VPS37A: variants seen among roughly 807,000 people sequenced by gnomAD.
VPS37A encodes vacuolar protein sorting-associated protein 37A.
A neutral mutation model predicts 49.8 loss-of-function variants in VPS37A; 30 were observed. That is an observed-to-expected ratio of 0.60 (90% CI 0.45 to 0.82). The LOEUF (loss-of-function observed/expected upper bound fraction) is 0.82. Ranked by LOEUF, VPS37A falls within the 40% of genes least tolerant of loss-of-function variation. The pLI is 0.00. For missense variants in VPS37A, 593 were observed against 464.4 expected, an observed-to-expected ratio of 1.28 and a Z score of -2.55; for synonymous variants, 195 against 160.6, an observed-to-expected ratio of 1.21 and a Z score of -1.62.
chr8:17,325,599 G>A, the VPS37A span, among the ~76,000 whole-genome samples: 28 of 152,250 alleles, frequency 1.8e-4, no homozygotes, highest in African/African-American at 6.7e-4. Context: ...CGGGGCCTGC[G>A]TCCCACATGC....
intron 1 of VPS37A, 134 bp from the exon 2 acceptor site, chr8:17,265,773 A>T: frequency 1.3e-6 from 2 of 1,543,586 alleles, no homozygotes; most frequent in Non-Finnish European, 1.8e-6. Flanking sequence ...CCCTCAAGAT[A>T]CAAGTTATGC....
At chr8:17,323,939 T>C in the VPS37A span, among the ~76,000 whole-genome samples, 2 of 152,220 alleles carry the variant, frequency 1.3e-5, no homozygotes, top group Non-Finnish European at 2.9e-5. Context: ...ATTTTAAAAT[T>C]AATCTTTGAA....
the VPS37A span, among the ~76,000 whole-genome samples, chr8:17,317,421 G>T: frequency 6.6e-6 from 1 of 152,168 alleles, no homozygotes; most frequent in African/African-American, 2.4e-5. Flanking sequence ...GAGGACAGCT[G>T]GGGCAGTAAC....
the VPS37A span, among the ~76,000 whole-genome samples, chr8:17,314,321 T>C: frequency 1.5e-4 from 23 of 152,166 alleles, no homozygotes; most frequent in Admixed American, 1.5e-3. Flanking sequence ...TAAACACACA[T>C]AGGGAAAAGG....
intron 1 of VPS37A, among the ~76,000 whole-genome samples, chr8:17,251,814 C>G (rs1222391432): frequency 2.0e-5 from 3 of 152,178 alleles, no homozygotes; most frequent in South Asian, 2.1e-4. Flanking sequence ...TGCTGCCAGT[C>G]TGCGGATTCC....
Position 17,280,082 on chromosome 8 carries a change from T to C in VPS37A, c.768T>C (p.Phe256=), listed in dbSNP as rs777393398. The part of the protein sequence containing the change: ...NEQEEVLLEQ[F]LTLPQLKQII... ...AAGAGGAGGTATTACTAGAACAGTT[T>C]CTGACTTTGCCTCAACTAAAACAAA... The change falls in exon 7 of 12, where the codon TTT becomes TTC. Residue 256 remains phenylalanine, a synonymous_variant. Transcript: ENST00000324849. 1.2e-6 allele frequency: 2 copies of C among 1,612,744 alleles called. No homozygotes were observed. Among genetic ancestry groups the C allele is most frequent in the Non-Finnish European group, 8.5e-7 (1 of 1,179,310 alleles).
rs1226182025 is a variant in VPS37A, at chr8:17,247,949, TTC to T, written c.125+583_125+584del. ...CTCACAGCGACCAGTGCATGTACAT[TTC>T]TCACTTCTTTCATAGTCTTGTCCCC... is the stretch of plus-strand genomic sequence containing the variant. On this transcript the variant is annotated intron_variant, in intron 1 of 11. Transcript: ENST00000324849. 3 of 590,154 alleles carry T rather than the reference TTC, an allele frequency of 5.1e-6. No homozygotes were observed. In the African/African-American group the frequency reaches 5.6e-5, roughly 11 times the overall value. 36.6% of individuals were successfully genotyped at this position (590,154 alleles called of 1,614,324 possible). A position where few individuals can be genotyped will look rare whatever the true frequency, so the allele number is the denominator to read the frequency against.
the VPS37A span, among the ~76,000 whole-genome samples, chr8:17,328,188 C>T: frequency 6.6e-6 from 1 of 152,014 alleles, no homozygotes; most frequent in African/African-American, 2.4e-5. Context: ...GTCCCTGTTG[C>T]TTCTTTCCTA....
chr8:17,314,767 C>A, the VPS37A span, among the ~76,000 whole-genome samples: 1 of 152,180 alleles, frequency 6.6e-6, no homozygotes, highest in Non-Finnish European at 1.5e-5. Flanking sequence ...TTCCAAATGC[C>A]TGCCCTGAGC....
chr8:17,318,464 G>T, the VPS37A span, among the ~76,000 whole-genome samples: 1 of 152,162 alleles, frequency 6.6e-6, no homozygotes, highest in African/African-American at 2.4e-5. Flanking sequence ...CAGTCATCTG[G>T]AACAGGCTTT....
downstream of VPS37A, among the ~76,000 whole-genome samples, chr8:17,305,323 A>G (rs1768570072): frequency 6.6e-6 from 1 of 152,222 alleles, no homozygotes; most frequent in South Asian, 2.1e-4. Flanking sequence ...TCCACAATTT[A>G]TCTACTTTTA....
chr8:17,333,091 C>T, the VPS37A span, among the ~76,000 whole-genome samples: 1 of 152,160 alleles, frequency 6.6e-6, no homozygotes, highest in Non-Finnish European at 1.5e-5. Context: ...GCAGACACCT[C>T]ACATTTCAAT....
chr8:17,299,603 C>T (rs545801397), downstream of VPS37A: 16 of 459,188 alleles, frequency 3.5e-5, no homozygotes, highest in Middle Eastern at 6.2e-4. Flanking sequence ...AATTGCTCTG[C>T]AGTGAATATA....
chr8:17,263,128 G>C (rs1813116256), intron 1 of VPS37A, among the ~76,000 whole-genome samples: 2 of 151,770 alleles, frequency 1.3e-5, no homozygotes, highest in Non-Finnish European at 2.9e-5. Context: ...AATTGAGTGA[G>C]AAAAGAGTAA....
chr8:17,300,317 G>T, downstream of VPS37A: 1 of 1,317,170 alleles, frequency 7.6e-7, no homozygotes, highest in Non-Finnish European at 1.0e-6. Flanking sequence ...CCTCCCACGT[G>T]GGTATAATGT....
chr8:17,266,004 T>G, intron 2 of VPS37A, 23 bp downstream of exon 2: 1 of 1,587,986 alleles, frequency 6.3e-7, no homozygotes, highest in Non-Finnish European at 8.6e-7. Flanking sequence ...GTATCCTACT[T>G]TTTCATGTAA....
At chr8:17,270,748 G>C (rs139565146) in intron 4 of VPS37A, among the ~76,000 whole-genome samples, 1 of 152,084 alleles carries the variant, frequency 6.6e-6, no homozygotes, top group Admixed American at 6.5e-5. Context: ...CCTCCTAGCC[G>C]TAAGAATTCA....
At position 17,247,230 on chromosome 8, in the gene VPS37A, G is replaced by A; in HGVS notation, c.-15G>A. ...CAGAGCCTTCCAGGGCCTCCGGCCCGTGGACCCGAGGAGGATGAGCTGGCT... is the reference window on the plus strand; with the variant it reads ...CAGAGCCTTCCAGGGCCTCCGGCCCATGGACCCGAGGAGGATGAGCTGGCT... On this transcript the variant is annotated 5_prime_UTR_variant, in exon 1 of 12. In the 5' UTR this introduces an upstream ATG that the reference lacks. Coordinates refer to ENST00000324849, the MANE Select transcript of VPS37A (RefSeq NM_152415.3). The A allele has an allele frequency of 2.6e-6, 4 of 1,565,558 alleles. No individual in the cohort carries two copies. Among genetic ancestry groups the A allele is most frequent in the Non-Finnish European group, 2.6e-6 (3 of 1,155,044 alleles).
intron 9 of VPS37A, among the ~76,000 whole-genome samples, chr8:17,283,803 A>T (rs921122395): frequency 6.6e-6 from 1 of 152,140 alleles, no homozygotes; most frequent in Non-Finnish European, 1.5e-5. Flanking sequence ...TGTTTTGGCT[A>T]TTTGGGGTCT....
Sources: allele counts gnomAD v4.1 joint callset (sites outside exome capture counted in the v4.1 genomes callset), GRCh38; gene constraint gnomAD v4.1.1; transcripts MANE v1.5; gene names NCBI Gene and HGNC (gene_info 2026-07-23, HGNC 2026-07-21).